The following PTK2 variants were observed in gnomAD, a reference collection of about 807,000 sequenced individuals.
PTK2 encodes the protein protein tyrosine kinase 2.
A neutral mutation model predicts 150.1 loss-of-function variants in PTK2; 45 were observed. The observed-to-expected ratio is 0.30, with a 90% CI of 0.24 to 0.38. The LOEUF is 0.38. Ranked by LOEUF, PTK2 falls within the 10% of genes least tolerant of loss-of-function variation. The pLI is 1.00. For synonymous variants in PTK2, 432 were observed against 449.2 expected, an observed-to-expected ratio of 0.96 and a Z score of 0.48; for missense variants, 919 against 1,307.3, an observed-to-expected ratio of 0.70 and a Z score of 4.58.
chr8:140,932,176 C>T (rs1157898865), intron 1 of PTK2, among the ~76,000 whole-genome samples: 1 of 152,086 alleles, frequency 6.6e-6, no homozygotes, highest in Non-Finnish European at 1.5e-5. Flanking sequence ...AACATAATCA[C>T]GCAATTTTTA....
intron 1 of PTK2, among the ~76,000 whole-genome samples, chr8:140,936,683 G>A (rs2100173758): frequency 6.6e-6 from 1 of 152,120 alleles, no homozygotes; most frequent in African/African-American, 2.4e-5. Context: ...ATCTCCGAAT[G>A]TGTCACAGCA....
intron 26 of PTK2, chr8:140,686,900 C>A: frequency 1.8e-6 from 1 of 562,578 alleles, no homozygotes; most frequent in Non-Finnish European, 3.2e-6. Flanking sequence ...CACACGCACA[C>A]CTTACAGACT....
chr8:140,902,074 C>T (rs1167671716), intron 2 of PTK2, among the ~76,000 whole-genome samples: 2 of 151,668 alleles, frequency 1.3e-5, no homozygotes, highest in African/African-American at 4.9e-5. Context: ...TGCTCTGTCA[C>T]CCAGTCTGGA....
chr8:140,787,143 GAGA>G (rs1178327120), intron 14 of PTK2, among the ~76,000 whole-genome samples: 22 of 152,284 alleles, frequency 1.4e-4, no homozygotes, highest in African/African-American at 5.1e-4. Context: ...TAAGAGCATG[GAGA>G]AGGTACTGAA....
chr8:140,697,416 T>TTGTGTGTGTGTGTG (rs34459077), intron 26 of PTK2, among the ~76,000 whole-genome samples: 81 of 145,818 alleles, frequency 5.6e-4, no homozygotes, highest in Middle Eastern at 3.4e-3. Flanking sequence ...AGAATACGGT[T>TTGTGTGTGTGTGTG]TGTGTGTGTG....
chr8:140,756,907 T>C (rs1410368810), intron 16 of PTK2, among the ~76,000 whole-genome samples: 5 of 151,046 alleles, frequency 3.3e-5, no homozygotes. Flanking sequence ...GAGAATGGCG[T>C]GAACCCGGGA....
At chr8:140,923,915 C>G (rs73714787) in intron 2 of PTK2, among the ~76,000 whole-genome samples, 7,038 of 151,980 alleles carry the variant, frequency 0.046, 443 homozygotes, top group African/African-American at 0.14. Flanking sequence ...CAGCTCTCAC[C>G]GCCCTACACT....
At chr8:140,681,199 T>C (rs1351228685) in intron 27 of PTK2, among the ~76,000 whole-genome samples, 1 of 151,704 alleles carries the variant, frequency 6.6e-6, no homozygotes, top group Non-Finnish European at 1.5e-5. Context: ...ACCCCGTCTC[T>C]ACTAAAAATA....
intron 22 of PTK2, among the ~76,000 whole-genome samples, chr8:140,723,176 T>C (rs2100043955): frequency 6.6e-6 from 1 of 152,252 alleles, no homozygotes; most frequent in African/African-American, 2.4e-5. Flanking sequence ...TATTGCCATG[T>C]TGTGGAATTT....
intron 10 of PTK2, among the ~76,000 whole-genome samples, chr8:140,815,236 G>C: frequency 6.7e-6 from 1 of 149,652 alleles, no homozygotes; most frequent in Admixed American, 6.7e-5. Flanking sequence ...AAAAAAAAAA[G>C]AATGAGATCA....
At chr8:140,834,680 CAACT>C (rs1447263785) in intron 7 of PTK2, among the ~76,000 whole-genome samples, 2 of 152,108 alleles carry the variant, frequency 1.3e-5, no homozygotes, top group Non-Finnish European at 2.9e-5. Flanking sequence ...ATTACATAAA[CAACT>C]AACTACAACA....
At chr8:140,754,462 C>T (rs947173560) in intron 16 of PTK2, among the ~76,000 whole-genome samples, 4 of 152,046 alleles carry the variant, frequency 2.6e-5, no homozygotes, top group African/African-American at 7.2e-5. Flanking sequence ...AACAGGTATA[C>T]GAGAAAACTG....
At chr8:140,883,530 T>G (rs1433851609) in intron 3 of PTK2, among the ~76,000 whole-genome samples, 1 of 152,198 alleles carries the variant, frequency 6.6e-6, no homozygotes, top group African/African-American at 2.4e-5. Flanking sequence ...TCTTCTATAG[T>G]ATAGTGTTTC....
chr8:140,912,877 C>T (rs959049420), intron 2 of PTK2, among the ~76,000 whole-genome samples: 1 of 151,896 alleles, frequency 6.6e-6, no homozygotes, highest in African/African-American at 2.4e-5. Context: ...ACCTGGGAGG[C>T]GGAGGTTGCA....
chr8:140,948,282 C>T (rs866417208), intron 1 of PTK2, among the ~76,000 whole-genome samples: 1 of 152,164 alleles, frequency 6.6e-6, no homozygotes, highest in Non-Finnish European at 1.5e-5. Context: ...AACCCATGAG[C>T]AGTCCCCAGA....
At chr8:140,951,258 T>C (rs2100179454) in intron 1 of PTK2, among the ~76,000 whole-genome samples, 1 of 152,186 alleles carries the variant, frequency 6.6e-6, no homozygotes, top group Admixed American at 6.5e-5. Flanking sequence ...TGTCTTCCAA[T>C]GTGTCACTTA....
At chr8:140,903,794 G>T (rs1429650429) in intron 2 of PTK2, among the ~76,000 whole-genome samples, 2 of 151,798 alleles carry the variant, frequency 1.3e-5, no homozygotes, top group Non-Finnish European at 2.9e-5. Flanking sequence ...TCATGATTTG[G>T]CTCTCTATTA....
chr8:140,890,796 G>A (rs1392666798), intron 2 of PTK2, 27 bp from the exon 3 acceptor site: 1 of 1,581,268 alleles, frequency 6.3e-7, no homozygotes. Context: ...ATAATTTTTT[G>A]TGTATAATAC....
At chr8:140,779,352 A>G (rs1282999056) in intron 14 of PTK2, among the ~76,000 whole-genome samples, 4 of 152,056 alleles carry the variant, frequency 2.6e-5, no homozygotes, top group Admixed American at 2.6e-4. Flanking sequence ...GAGCACTGAC[A>G]GTGAACTGGG....
Sources: allele counts gnomAD v4.1 joint callset (sites outside exome capture counted in the v4.1 genomes callset), GRCh38; gene constraint gnomAD v4.1.1; transcripts MANE v1.5; gene names NCBI Gene and HGNC (gene_info 2026-07-23, HGNC 2026-07-21).